Variants in CAMTA1 observed in about 807,000 individuals in gnomAD.
CAMTA1 encodes the protein calmodulin-binding transcription activator 1.
Under a neutral mutation model 170.9 loss-of-function variants are expected in CAMTA1, and 27 were observed. That is an observed-to-expected ratio of 0.16 (90% CI 0.12 to 0.22). The LOEUF (loss-of-function observed/expected upper bound fraction) is 0.22, where lower values mean the gene tolerates loss of function less well. Ranked by LOEUF, CAMTA1 falls within the 10% of genes least tolerant of loss-of-function variation. The pLI, the probability that CAMTA1 is intolerant of heterozygous loss-of-function variation, is 1.00. For missense variants in CAMTA1, 1,619 were observed against 2,217.2 expected, an observed-to-expected ratio of 0.73 and a Z score of 5.42; for synonymous variants, 833 against 891.5, an observed-to-expected ratio of 0.93 and a Z score of 1.17.
chr1:7,077,987 C>CGT (rs1639528258), intron 3 of CAMTA1, among the ~76,000 whole-genome samples: 1 of 143,292 alleles, frequency 7.0e-6, no homozygotes, highest in African/African-American at 2.7e-5. Context: ...GAAGAGCTTG[C>CGT]GTGCACACAC....
chr1:7,188,815 G>A (rs1289427511), intron 4 of CAMTA1, among the ~76,000 whole-genome samples: 2 of 152,036 alleles, frequency 1.3e-5, no homozygotes, highest in Non-Finnish European at 2.9e-5. Flanking sequence ...ATTTCTTTGG[G>A]GTATATATCC....
intron 5 of CAMTA1, among the ~76,000 whole-genome samples, chr1:7,387,993 TC>T (rs2088207064): frequency 6.6e-6 from 1 of 152,110 alleles, no homozygotes. Flanking sequence ...CAGTGTGACC[TC>T]CCCCTTCCCC....
intron 6 of CAMTA1, among the ~76,000 whole-genome samples, chr1:7,536,916 T>G (rs1034736296): frequency 6.6e-6 from 1 of 152,072 alleles, no homozygotes; most frequent in Non-Finnish European, 1.5e-5. Flanking sequence ...CCCCCATTGA[T>G]CTCTCGTCCC....
At chr1:7,645,203 C>T (rs2095794579) in intron 7 of CAMTA1, among the ~76,000 whole-genome samples, 1 of 152,236 alleles carries the variant, frequency 6.6e-6, no homozygotes, top group Non-Finnish European at 1.5e-5. Flanking sequence ...TGCTTCTGTC[C>T]TGCCAAGCTG....
rs1646441930 is a variant in CAMTA1 at position 7,149,517 on chromosome 1, G to A, written c.302+58146G>A. On this transcript the variant is annotated intron_variant, in intron 4 of 22. Transcript: ENST00000303635. ...CTGGTTTCGTAACGGCCGTGTGGCC[G>A]CGGGTCAGGTGCTTCACCTTTGGGC... 2.0e-5 allele frequency among the ~76,000 whole-genome samples: 3 copies of A among 152,228 alleles called. No homozygotes were observed. The South Asian group carries it at 6.2e-4, about 31-fold the overall frequency.
At chr1:7,273,848 G>A (rs1470723057) in intron 5 of CAMTA1, among the ~76,000 whole-genome samples, 1 of 152,178 alleles carries the variant, frequency 6.6e-6, no homozygotes, top group Non-Finnish European at 1.5e-5. Context: ...AAAGCAGAGG[G>A]AAGTGGAAGT....
intron 4 of CAMTA1, among the ~76,000 whole-genome samples, chr1:7,119,271 T>C (rs932468480): frequency 6.6e-6 from 1 of 152,176 alleles, no homozygotes; most frequent in African/African-American, 2.4e-5. Flanking sequence ...ACCCCACCTT[T>C]CTGTCCAGCT....
At chr1:7,527,846 C>T (rs527597629) in intron 6 of CAMTA1, among the ~76,000 whole-genome samples, 1 of 152,226 alleles carries the variant, frequency 6.6e-6, no homozygotes, top group African/African-American at 2.4e-5. Flanking sequence ...CCTATCTGTT[C>T]TCTCCCAGCC....
rs2095698882 is a variant in CAMTA1 at position 7,634,893 on chromosome 1, A to C, written c.511-5507A>C. Reference sequence around the variant, plus strand: ...TGACCCTGCTCCCTGCAGCAGCCCCAGTGAGAAAGAGGCGCAGCTTCCATG... The same window carrying C: ...TGACCCTGCTCCCTGCAGCAGCCCCCGTGAGAAAGAGGCGCAGCTTCCATG... On this transcript the variant is annotated intron_variant, in intron 6 of 22. Transcript: ENST00000303635. This position sits in a 1 kb window ranked among gnomAD's most constrained non-coding sequence, Gnocchi z 6.2. Among the ~76,000 whole-genome samples the C allele has an allele frequency of 6.6e-6, 1 of 152,164 alleles. No homozygotes were observed. Among genetic ancestry groups the C allele is most frequent in the African/African-American group, 2.4e-5 (1 of 41,442 alleles).
chr1:6,876,189 G>A (rs959787774), intron 3 of CAMTA1, among the ~76,000 whole-genome samples: 6 of 150,702 alleles, frequency 4.0e-5, no homozygotes, highest in African/African-American at 4.9e-5. Flanking sequence ...TGGGTTTATC[G>A]TTCCCTTCTT....
In CAMTA1 at chr1:7,468,435, C is replaced by G. The variant is rs1274869160; in HGVS notation, c.510+534C>G. ...TTGTGGCTGGGCATGCTAGCCATTCCTGTGGGAGAGTGGCCTGGTGCCCAG... is the reference window on the plus strand; with the variant it reads ...TTGTGGCTGGGCATGCTAGCCATTCGTGTGGGAGAGTGGCCTGGTGCCCAG... On this transcript the variant is annotated intron_variant, in intron 6 of 22. Coordinates refer to ENST00000303635, the MANE Select transcript of CAMTA1 (RefSeq NM_015215.4). Among the ~76,000 whole-genome samples the G allele has an allele frequency of 2.6e-5, 4 of 152,172 alleles. No homozygotes were observed. The East Asian group carries it at 7.7e-4, about 29-fold the overall frequency.
At chr1:7,154,474 C>T (rs1465790500) in intron 4 of CAMTA1, among the ~76,000 whole-genome samples, 1 of 152,222 alleles carries the variant, frequency 6.6e-6, no homozygotes, top group Non-Finnish European at 1.5e-5. Context: ...CACTTCCCAT[C>T]TCTGGGCACT....
intron 6 of CAMTA1, among the ~76,000 whole-genome samples, chr1:7,538,624 T>C (rs920870401): frequency 6.6e-6 from 1 of 152,218 alleles, no homozygotes; most frequent in Non-Finnish European, 1.5e-5. Flanking sequence ...CACTCCAGCC[T>C]GGATGACAGA....
intron 3 of CAMTA1, among the ~76,000 whole-genome samples, chr1:6,938,339 G>A (rs1685815340): frequency 2.0e-5 from 3 of 152,140 alleles, no homozygotes; most frequent in Admixed American, 1.3e-4. Flanking sequence ...GTTGGCTGGG[G>A]TCAGGGCTGG....
At chr1:7,116,521 CCTT>C (rs2148419602) in intron 4 of CAMTA1, among the ~76,000 whole-genome samples, 1 of 152,248 alleles carries the variant, frequency 6.6e-6, no homozygotes, top group Non-Finnish European at 1.5e-5. Context: ...AGAATAGAAT[CCTT>C]CTAGAGTTTT....
rs956650563 is a variant in CAMTA1 at position 7,455,904 on chromosome 1, C to T, written c.439-11926C>T. On this transcript the variant is annotated intron_variant, in intron 5 of 22. Coordinates refer to ENST00000303635, the MANE Select transcript of CAMTA1 (RefSeq NM_015215.4). The surrounding 1 kb of genome is among the most constrained non-coding windows in gnomAD (Gnocchi z 5.0). Reference sequence around the variant, plus strand: ...ATGGCAGATGAGTAGAGAGAAAGGCCGGCCACCTGGGGCTGTGTAGCCGAA... The same window carrying T: ...ATGGCAGATGAGTAGAGAGAAAGGCTGGCCACCTGGGGCTGTGTAGCCGAA... Among the ~76,000 whole-genome samples, 29 of 152,210 alleles carry T rather than the reference C, an allele frequency of 1.9e-4. No homozygotes were observed. The highest frequency in any genetic ancestry group is 6.5e-4 in the African/African-American group (27 of 41,452).
chr1:7,456,983 G>A lies in CAMTA1; in HGVS notation c.439-10847G>A, dbSNP rs970049557. Among the ~76,000 whole-genome samples, 8 of 151,090 alleles carry A rather than the reference G, an allele frequency of 5.3e-5. No individual in the cohort carries two copies. The highest frequency in any genetic ancestry group is 1.3e-4 in the Admixed American group (2 of 15,188). On this transcript the variant is annotated intron_variant, in intron 5 of 22. Coordinates refer to ENST00000303635, the MANE Select transcript of CAMTA1 (RefSeq NM_015215.4). The surrounding 1 kb of genome is among the most constrained non-coding windows in gnomAD (Gnocchi z 4.9). ...GCGAGGCCCAGCAGAGTTCGGCGCC[G>A]CCCTCCCGTTCCTCCTCCCTCCCAT... is the stretch of plus-strand genomic sequence containing the variant.
At position 6,886,481 on chromosome 1, in the gene CAMTA1, G is replaced by C. The variant is rs1245229771; in HGVS notation, c.234+61271G>C. 10 of 361,582 alleles carry C rather than the reference G, an allele frequency of 2.8e-5. No homozygotes were observed. The East Asian group carries it at 5.9e-4, about 21-fold the overall frequency. 22.4% of individuals were successfully genotyped at this position (361,582 alleles called of 1,614,324 possible). On this transcript the variant is annotated intron_variant, in intron 3 of 22. Coordinates refer to ENST00000303635, the MANE Select transcript of CAMTA1 (RefSeq NM_015215.4). Reference sequence around the variant, plus strand: ...GTGCTTTCCTTGTAAGAAGCCCACAGCTCTTCTCGCAGCATGCTCTTTTCA... The same window carrying C: ...GTGCTTTCCTTGTAAGAAGCCCACACCTCTTCTCGCAGCATGCTCTTTTCA...
chr1:7,161,824 A>T (rs1396252844), intron 4 of CAMTA1, among the ~76,000 whole-genome samples: 1 of 152,218 alleles, frequency 6.6e-6, no homozygotes, highest in African/African-American at 2.4e-5. Flanking sequence ...CAAGGGTCTC[A>T]TTCTCAGAGC....
Sources: allele counts gnomAD v4.1 joint callset (sites outside exome capture counted in the v4.1 genomes callset), GRCh38; gene constraint gnomAD v4.1.1; non-coding constraint Gnocchi (gnomAD v3.1); transcripts MANE v1.5; gene names NCBI Gene and HGNC (gene_info 2026-07-23, HGNC 2026-07-21).